RBFOX1: variants seen among roughly 807,000 people sequenced by gnomAD.
RBFOX1 encodes the protein RNA binding protein fox-1 homolog 1.
In RBFOX1, 8 loss-of-function variants were observed where a neutral mutation model predicts 57.7. The ratio of observed to expected loss-of-function variants is 0.14; its 90% CI spans 0.08 to 0.25. The LOEUF is 0.25. Among genes scored for constraint, RBFOX1 ranks in the 10% least tolerant of loss-of-function variants. The pLI, the probability that RBFOX1 is intolerant of heterozygous loss-of-function variation, is 1.00. For synonymous variants in RBFOX1, 326 were observed against 222.4 expected (o/e 1.47, Z -4.15); for missense variants, 611 against 548.5 (o/e 1.11, Z -1.14).
chr16:6,678,022 A>C (rs1463896640), intron 3 of RBFOX1, among the ~76,000 whole-genome samples: 3 of 152,248 alleles, frequency 2.0e-5, no homozygotes, highest in African/African-American at 7.2e-5. Context: ...ACATTAAAAA[A>C]GCTGAGAAGA....
rs1461890689 is a variant in RBFOX1 at position 5,488,245 on chromosome 16, A to T, written c.258+20991A>T. 3.7e-5 allele frequency among the ~76,000 whole-genome samples: 2 copies of T among 54,132 alleles called. 1 individual carries two copies. The highest frequency in any genetic ancestry group is 9.0e-5 in the Non-Finnish European group (2 of 22,168). The allele number at this position is 54,132 out of a possible 152,430, so 35.5% of individuals were successfully genotyped here. On this transcript the variant is annotated intron_variant, in intron 2 of 2. Coordinates refer to the RBFOX1 transcript ENST00000585867. ...GTGCTGGTGGGGTGTGATGGTGATG[A>T]TAATGGAGGATTATGGTGATGATGG...
intron 11 of RBFOX1, among the ~76,000 whole-genome samples, chr16:7,645,533 G>A (rs1371237213): frequency 6.6e-6 from 1 of 152,150 alleles, no homozygotes; most frequent in African/African-American, 2.4e-5. Context: ...CAGTTCAATG[G>A]AATATGAATA....
chr16:6,711,164 T>G (rs13330437), intron 3 of RBFOX1, among the ~76,000 whole-genome samples: 5,172 of 152,250 alleles, frequency 0.034, 283 homozygotes, highest in African/African-American at 0.12. Context: ...TATCCAGAAT[T>G]GTATTGACTG....
At chr16:7,221,007 C>A (rs1429017402) in intron 4 of RBFOX1, among the ~76,000 whole-genome samples, 1 of 152,118 alleles carries the variant, frequency 6.6e-6, no homozygotes, top group African/African-American at 2.4e-5. Flanking sequence ...CCAACTCCAG[C>A]AATAAGAACT....
chr16:5,671,723 T>G (rs1321474335), intron 3 of RBFOX1, among the ~76,000 whole-genome samples: 1 of 152,202 alleles, frequency 6.6e-6, no homozygotes, highest in Non-Finnish European at 1.5e-5. Context: ...CCTGTTATTT[T>G]AGGAGCTAAT....
chr16:6,251,584 G>T (rs112765900), intron 1 of RBFOX1, among the ~76,000 whole-genome samples: 1 of 152,080 alleles, frequency 6.6e-6, no homozygotes, highest in Non-Finnish European at 1.5e-5. Context: ...ACCCCTTGGA[G>T]GTAGGGGGAG....
At chr16:7,318,612 C>T (rs1384991878) in intron 4 of RBFOX1, among the ~76,000 whole-genome samples, 2 of 152,098 alleles carry the variant, frequency 1.3e-5, no homozygotes, top group Non-Finnish European at 2.9e-5. Context: ...AATAGCGTTC[C>T]TATAAACAAA....
At chr16:5,524,872 C>T (rs544048138) in intron 2 of RBFOX1, among the ~76,000 whole-genome samples, 4 of 152,218 alleles carry the variant, frequency 2.6e-5, no homozygotes, top group Admixed American at 1.3e-4. Flanking sequence ...AACGCTTGTG[C>T]TACTTACTCA....
intron 1 of RBFOX1, among the ~76,000 whole-genome samples, chr16:5,339,147 A>G (rs2064972394): frequency 1.3e-5 from 2 of 152,240 alleles, no homozygotes; most frequent in South Asian, 4.1e-4. Flanking sequence ...TCCTTTGACC[A>G]ACATCTCCCC....
In RBFOX1 at chr16:6,828,421, G is replaced by C. The variant is rs137936434; in HGVS notation, c.-16+173771G>C. Among the ~76,000 whole-genome samples, 279 of 152,028 alleles carry C rather than the reference G, an allele frequency of 1.8e-3. 1 individual carries two copies. Among genetic ancestry groups the C allele is most frequent in the African/African-American group, 6.5e-3 (269 of 41,430 alleles). ...GGCCTTTAGACCCAGCTACTCAGGA[G>C]ACTGAGGCAGGAGAATCACTTGAAC... On this transcript the variant is annotated intron_variant, in intron 3 of 15. Transcript: ENST00000550418.
chr16:6,923,318 G>C (rs1207279808), intron 3 of RBFOX1, among the ~76,000 whole-genome samples: 1 of 152,120 alleles, frequency 6.6e-6, no homozygotes, highest in Non-Finnish European at 1.5e-5. Context: ...AGGATCATGT[G>C]AGGTCAGGAG....
intron 3 of RBFOX1, among the ~76,000 whole-genome samples, chr16:5,746,374 A>C (rs1336413494): frequency 6.6e-6 from 1 of 152,214 alleles, no homozygotes; most frequent in Non-Finnish European, 1.5e-5. Context: ...AGGTAGCATG[A>C]TGCTTCCAGC....
chr16:6,506,383 G>T (rs970239298), intron 2 of RBFOX1, among the ~76,000 whole-genome samples: 2 of 152,102 alleles, frequency 1.3e-5, no homozygotes, highest in African/African-American at 4.8e-5. Context: ...AACAGCTTGG[G>T]TGAAGGCAGA....
chr16:5,454,945 TCC>T (rs1491277802), intron 1 of RBFOX1, among the ~76,000 whole-genome samples: 546 of 53,588 alleles, frequency 0.01, 3 homozygotes, highest in Non-Finnish European at 0.014. Context: ...CTTCCTTCCT[TCC>T]TTCCTTCCTT....
intron 2 of RBFOX1, among the ~76,000 whole-genome samples, chr16:6,382,820 G>A (rs1246088807): frequency 6.6e-6 from 1 of 152,100 alleles, no homozygotes; most frequent in Non-Finnish European, 1.5e-5. Flanking sequence ...AGATCATGTC[G>A]CTGCACTCCA....
At chr16:5,386,841 A>C (rs943300735) in intron 1 of RBFOX1, among the ~76,000 whole-genome samples, 4 of 152,190 alleles carry the variant, frequency 2.6e-5, no homozygotes, top group African/African-American at 7.2e-5. Flanking sequence ...ACCTGAGGTC[A>C]GGAGTTGGAG....
intron 1 of RBFOX1, among the ~76,000 whole-genome samples, chr16:5,335,056 G>C (rs907158057): frequency 6.6e-6 from 1 of 152,120 alleles, no homozygotes; most frequent in Non-Finnish European, 1.5e-5. Context: ...AAAAAAAGTT[G>C]TTTCAATTTC....
At chr16:6,970,914 G>C (rs1040567997) in intron 3 of RBFOX1, among the ~76,000 whole-genome samples, 3 of 152,184 alleles carry the variant, frequency 2.0e-5, no homozygotes, top group African/African-American at 7.2e-5. Flanking sequence ...GTGCTGTGCT[G>C]TTCCATTTGT....
intron 3 of RBFOX1, among the ~76,000 whole-genome samples, chr16:6,923,030 T>C (rs1161060854): frequency 6.6e-6 from 1 of 152,198 alleles, no homozygotes; most frequent in African/African-American, 2.4e-5. Flanking sequence ...AAGCAAACCA[T>C]AGACAGTGCA....
Sources: gnomAD v4.1 joint callset for allele counts (sites outside exome capture counted in the v4.1 genomes callset) on GRCh38, gnomAD v4.1.1 for gene constraint, MANE v1.5 for transcripts, NCBI Gene and HGNC (gene_info 2026-07-23, HGNC 2026-07-21) for gene names.